The following ROBO2 variants were observed in gnomAD, a reference collection of about 807,000 sequenced individuals.
ROBO2 encodes roundabout homolog 2.
A neutral mutation model predicts 160.8 loss-of-function variants in ROBO2; 53 were observed. The observed-to-expected ratio is 0.33, with a 90% CI of 0.26 to 0.41. ROBO2 has a LOEUF of 0.41. ROBO2 is among the 10% of genes least tolerant of loss of function. ROBO2 has a pLI of 1.00. For synonymous variants in ROBO2, 664 were observed against 611.7 expected, an observed-to-expected ratio of 1.09 and a Z score of -1.26; for missense variants, 1,577 against 1,722.4, an observed-to-expected ratio of 0.92 and a Z score of 1.49.
chr3:77,421,442 A>C (rs2077706363), intron 2 of ROBO2, among the ~76,000 whole-genome samples: 1 of 152,132 alleles, frequency 6.6e-6, no homozygotes, highest in East Asian at 1.9e-4. Context: ...AGGGTGATGC[A>C]GCTTCAGTAT....
At chr3:76,393,107 T>G (rs2077237053) in intron 2 of ROBO2, among the ~76,000 whole-genome samples, 1 of 152,156 alleles carries the variant, frequency 6.6e-6, no homozygotes, top group Non-Finnish European at 1.5e-5. Flanking sequence ...TAAAATCCAG[T>G]GTTTCCTAGA....
chr3:76,218,837 A>G (rs1182376716), intron 2 of ROBO2, among the ~76,000 whole-genome samples: 2 of 152,208 alleles, frequency 1.3e-5, no homozygotes, highest in African/African-American at 4.8e-5. Flanking sequence ...TGGAACCAAA[A>G]AGAGCCCACA....
intron 2 of ROBO2, among the ~76,000 whole-genome samples, chr3:75,984,398 A>G (rs1036557566): frequency 6.6e-6 from 1 of 151,448 alleles, no homozygotes; most frequent in African/African-American, 2.4e-5. Context: ...TTGAGTTTTC[A>G]GAAGGAAGCT....
intron 2 of ROBO2, among the ~76,000 whole-genome samples, chr3:76,820,867 T>A (rs188376527): frequency 6.8e-4 from 104 of 152,138 alleles, no homozygotes; most frequent in African/African-American, 1.7e-3. Flanking sequence ...GGGTTTTTTT[T>A]AATTTAGATT....
At chr3:76,592,248 C>G (rs2086459731) in intron 2 of ROBO2, among the ~76,000 whole-genome samples, 1 of 151,926 alleles carries the variant, frequency 6.6e-6, no homozygotes, top group African/African-American at 2.4e-5. Context: ...TAACATGTAC[C>G]AGTTTAGGGT....
intron 2 of ROBO2, among the ~76,000 whole-genome samples, chr3:77,283,361 G>T (rs765826866): frequency 6.6e-5 from 10 of 152,146 alleles, no homozygotes; most frequent in Non-Finnish European, 1.2e-4. Context: ...GGAGCAGATG[G>T]ATTGCTGAAT....
intron 2 of ROBO2, among the ~76,000 whole-genome samples, chr3:77,322,180 A>G (rs2064783123): frequency 6.6e-6 from 1 of 152,182 alleles, no homozygotes; most frequent in Admixed American, 6.5e-5. Context: ...TAAATAATAG[A>G]CTTATTCACA....
At chr3:77,200,323 T>TATA (rs1560219219) in intron 2 of ROBO2, among the ~76,000 whole-genome samples, 43 of 49,652 alleles carry the variant, frequency 8.7e-4, no homozygotes, top group Non-Finnish European at 1.8e-3. Context: ...ATATATATAT[T>TATA]TTAGTTTCTA....
chr3:77,325,386 T>C (rs966227125), intron 2 of ROBO2, among the ~76,000 whole-genome samples: 12 of 152,214 alleles, frequency 7.9e-5, no homozygotes, highest in Admixed American at 3.3e-4. Context: ...ACGTTAGTTA[T>C]ACCAGAGCAG....
chr3:76,659,168 G>C (rs1287244976), intron 2 of ROBO2, among the ~76,000 whole-genome samples: 1 of 151,572 alleles, frequency 6.6e-6, no homozygotes, highest in African/African-American at 2.4e-5. Context: ...AATAATCTAG[G>C]TTTGAGCTAT....
Position 76,026,753 on chromosome 3 carries a change from A to C in ROBO2, c.109+89151A>C, listed in dbSNP as rs186452093. On this transcript the variant is annotated intron_variant, in intron 2 of 26. Coordinates refer to the ROBO2 transcript ENST00000487694. ...ATTTCAGGTTGCAACAGAACTATAC[A>C]AAATGTGAAGTAGGGAAGGTGATGA... Among the ~76,000 whole-genome samples the C allele has an allele frequency of 1.2e-4, 18 of 152,116 alleles. No homozygotes were observed. In the East Asian group the frequency reaches 2.3e-3, roughly 20 times the overall value.
chr3:77,411,925 G>T (rs2076837975), intron 2 of ROBO2, among the ~76,000 whole-genome samples: 1 of 152,086 alleles, frequency 6.6e-6, no homozygotes, highest in African/African-American at 2.4e-5. Flanking sequence ...ATGTTCAAAT[G>T]TTCAAATTAC....
chr3:76,560,532 CATT>C (rs1303382863), intron 2 of ROBO2, among the ~76,000 whole-genome samples: 6 of 149,410 alleles, frequency 4.0e-5, no homozygotes, highest in Non-Finnish European at 7.4e-5. Flanking sequence ...TTATCATGGT[CATT>C]ATTATTTATT....
At chr3:77,361,543 C>G (rs1015253709) in intron 2 of ROBO2, among the ~76,000 whole-genome samples, 1 of 152,094 alleles carries the variant, frequency 6.6e-6, no homozygotes, top group Non-Finnish European at 1.5e-5. Flanking sequence ...GGTGCTGGGA[C>G]CTCCAAGATC....
chr3:76,663,898 C>T (rs2091922397), intron 2 of ROBO2, among the ~76,000 whole-genome samples: 2 of 150,464 alleles, frequency 1.3e-5, no homozygotes, highest in African/African-American at 4.9e-5. Context: ...AGCGAAACTC[C>T]ATCTCAGGAA....
intron 4 of ROBO2, among the ~76,000 whole-genome samples, chr3:77,482,792 G>A (rs2084862334): frequency 6.6e-6 from 1 of 151,536 alleles, no homozygotes. Context: ...AAGCCCACAA[G>A]TATAGCTCTT....
chr3:76,977,208 CATT>C (rs2059858511), intron 2 of ROBO2, among the ~76,000 whole-genome samples: 1 of 152,116 alleles, frequency 6.6e-6, no homozygotes, highest in Non-Finnish European at 1.5e-5. Flanking sequence ...ATGATATAAA[CATT>C]ATGTTTCCTC....
chr3:76,865,822 C>T (rs1341171334), intron 2 of ROBO2, among the ~76,000 whole-genome samples: 1 of 152,100 alleles, frequency 6.6e-6, no homozygotes, highest in Non-Finnish European at 1.5e-5. Context: ...ATTTCTAGTA[C>T]AAATGCTGTA....
At chr3:76,669,289 C>T (rs529620379) in intron 2 of ROBO2, among the ~76,000 whole-genome samples, 3 of 152,190 alleles carry the variant, frequency 2.0e-5, no homozygotes, top group East Asian at 3.9e-4. Context: ...TCTGCTTCTA[C>T]GCAAATGCAT....
Sources: gnomAD v4.1 joint callset for allele counts (sites outside exome capture counted in the v4.1 genomes callset) on GRCh38, gnomAD v4.1.1 for gene constraint, MANE v1.5 for transcripts, NCBI Gene and HGNC (gene_info 2026-07-23, HGNC 2026-07-21) for gene names.